The following ITGA9 variants were observed in gnomAD, a reference collection of about 807,000 sequenced individuals.
The protein encoded by ITGA9 is integrin alpha-9.
A neutral mutation model predicts 127.8 loss-of-function variants in ITGA9; 56 were observed. The ratio of observed to expected loss-of-function variants is 0.44; its 90% CI spans 0.35 to 0.55. The LOEUF is 0.55. Ranked by LOEUF, ITGA9 falls within the 20% of genes least tolerant of loss-of-function variation. The pLI is 0.00. For synonymous variants in ITGA9, 508 were observed against 514.5 expected (o/e 0.99, Z 0.17); for missense variants, 1,196 against 1,347.1 (o/e 0.89, Z 1.76).
In ITGA9 at chr3:37,691,715, T is replaced by G. The variant is rs60280940; in HGVS notation, c.2067+7700T>G. Among the ~76,000 whole-genome samples the G allele has an allele frequency of 9.8e-3, 1,497 of 152,280 alleles. 28 individuals carry two copies. Among genetic ancestry groups the G allele is most frequent in the African/African-American group, 0.035 (1,436 of 41,552 alleles). On this transcript the variant is annotated intron_variant, in intron 18 of 27. Coordinates refer to ENST00000264741, the MANE Select transcript of ITGA9 (RefSeq NM_002207.3). The stretch of plus-strand genomic sequence containing the variant: ...GGTAGAACTAGTCTGTCTGCAGCCT[T>G]ACTGTGTTTCATGTTCTCCCCTTGG...
intron 1 of ITGA9, among the ~76,000 whole-genome samples, chr3:37,463,656 A>G (rs1689486545): frequency 1.3e-5 from 2 of 152,224 alleles, no homozygotes; most frequent in Admixed American, 6.5e-5. Context: ...AAGAGGAGGC[A>G]GAAACACATT....
chr3:37,456,854 T>C (rs1698264818), intron 1 of ITGA9, among the ~76,000 whole-genome samples: 2 of 152,234 alleles, frequency 1.3e-5, no homozygotes, highest in Non-Finnish European at 2.9e-5. Flanking sequence ...TAGCCAGATA[T>C]ATTGGTATGT....
intron 26 of ITGA9, among the ~76,000 whole-genome samples, chr3:37,792,935 A>G (rs1326124300): frequency 6.6e-6 from 1 of 152,040 alleles, no homozygotes; most frequent in East Asian, 1.9e-4. Flanking sequence ...TGTCATCTCG[A>G]TGCAAAGCCC....
intron 15 of ITGA9, among the ~76,000 whole-genome samples, chr3:37,564,327 C>T (rs935649448): frequency 1.3e-5 from 2 of 152,152 alleles, no homozygotes; most frequent in Non-Finnish European, 2.9e-5. Context: ...AGAGATTTTT[C>T]TCTAGGTCCT....
At chr3:37,695,283 C>T (rs760233731) in intron 18 of ITGA9, among the ~76,000 whole-genome samples, 8 of 152,142 alleles carry the variant, frequency 5.3e-5, no homozygotes, top group Non-Finnish European at 1.2e-4. Context: ...TGGAGCCAAA[C>T]GAAGACTGAA....
chr3:37,778,479 G>A (rs1054034225), intron 24 of ITGA9, among the ~76,000 whole-genome samples: 8 of 152,060 alleles, frequency 5.3e-5, no homozygotes, highest in Non-Finnish European at 1.2e-4. Context: ...TTAGCTGGAT[G>A]TGGTAGTGGG....
chr3:37,711,853 C>T (rs1396774358), intron 18 of ITGA9, among the ~76,000 whole-genome samples: 1 of 152,236 alleles, frequency 6.6e-6, no homozygotes, highest in Non-Finnish European at 1.5e-5. Context: ...AAAACAGAAT[C>T]TTGGCCCTCC....
intron 26 of ITGA9, among the ~76,000 whole-genome samples, chr3:37,791,518 T>G (rs1697109199): frequency 6.6e-6 from 1 of 152,186 alleles, no homozygotes; most frequent in Non-Finnish European, 1.5e-5. Context: ...GGCTATAGGC[T>G]GCGTCCAGGC....
chr3:37,640,369 G>C (rs1248375026), intron 16 of ITGA9, among the ~76,000 whole-genome samples: 1 of 152,126 alleles, frequency 6.6e-6, no homozygotes, highest in Non-Finnish European at 1.5e-5. Flanking sequence ...GTGATGTGAC[G>C]AGAATGTGGA....
chr3:37,493,142 CAG>C (rs1698689619), intron 4 of ITGA9, among the ~76,000 whole-genome samples: 2 of 152,152 alleles, frequency 1.3e-5, no homozygotes, highest in South Asian at 4.1e-4. Flanking sequence ...ATTTAGCAGT[CAG>C]TTAATGGCCA....
chr3:37,457,839 A>C (rs1016102028), intron 1 of ITGA9, among the ~76,000 whole-genome samples: 3 of 152,200 alleles, frequency 2.0e-5, no homozygotes, highest in Admixed American at 6.5e-5. Context: ...TGTCTTGCCC[A>C]GTGGAGAACC....
intron 15 of ITGA9, among the ~76,000 whole-genome samples, chr3:37,619,456 G>C (rs1246490690): frequency 2.0e-5 from 3 of 152,182 alleles, no homozygotes; most frequent in African/African-American, 7.2e-5. Context: ...GTTGAGTAAG[G>C]ATGTGGTCTC....
At chr3:37,731,699 A>T (rs1696294371) in intron 18 of ITGA9, among the ~76,000 whole-genome samples, 1 of 152,180 alleles carries the variant, frequency 6.6e-6, no homozygotes, top group Non-Finnish European at 1.5e-5. Flanking sequence ...CACTTATTCC[A>T]TAATTACTGT....
At chr3:37,682,502 T>C (rs565369510) in intron 17 of ITGA9, among the ~76,000 whole-genome samples, 1 of 152,324 alleles carries the variant, frequency 6.6e-6, no homozygotes, top group Admixed American at 6.5e-5. Context: ...CACCTCCTCA[T>C]CTTCAACTCC....
chr3:37,758,464 ATAT>A (rs541124576), intron 23 of ITGA9, among the ~76,000 whole-genome samples: 3 of 151,096 alleles, frequency 2.0e-5, no homozygotes, highest in Non-Finnish European at 2.9e-5. Context: ...AACTCATTAT[ATAT>A]TATTATTAAT....
At chr3:37,640,932 C>T (rs535038195) in intron 16 of ITGA9, among the ~76,000 whole-genome samples, 1 of 152,190 alleles carries the variant, frequency 6.6e-6, no homozygotes, top group East Asian at 1.9e-4. Flanking sequence ...CTGCTGTTCC[C>T]TTCCTGGGAA....
At chr3:37,667,924 A>T (rs1490517728) in intron 17 of ITGA9, among the ~76,000 whole-genome samples, 3 of 152,166 alleles carry the variant, frequency 2.0e-5, no homozygotes, top group Admixed American at 6.5e-5. Context: ...GCCTGTCTTT[A>T]GGTGGAAACA....
At chr3:37,620,610 AC>A (rs34193043) in intron 15 of ITGA9, among the ~76,000 whole-genome samples, 4 of 151,634 alleles carry the variant, frequency 2.6e-5, no homozygotes, top group African/African-American at 9.7e-5. Context: ...TGGAGCTTGG[AC>A]CCCCTCTGAC....
At chr3:37,518,898 C>T (rs1284344212) in intron 10 of ITGA9, among the ~76,000 whole-genome samples, 2 of 149,164 alleles carry the variant, frequency 1.3e-5, no homozygotes, top group African/African-American at 4.9e-5. Flanking sequence ...GATTCTCTTG[C>T]CTCAGCCTCC....
Sources: gnomAD v4.1 joint callset for allele counts (sites outside exome capture counted in the v4.1 genomes callset) on GRCh38, gnomAD v4.1.1 for gene constraint, MANE v1.5 for transcripts, NCBI Gene and HGNC (gene_info 2026-07-23, HGNC 2026-07-21) for gene names.